PTPN13: variants seen among roughly 807,000 people sequenced by gnomAD.
PTPN13 encodes the protein protein tyrosine phosphatase non-receptor type 13.
PTPN13 carries 191 observed loss-of-function variants against 284.0 expected under a neutral mutation model. That is an observed-to-expected ratio of 0.67 (90% CI 0.60 to 0.76). The LOEUF is 0.76. Ranked by LOEUF, PTPN13 falls within the 30% of genes least tolerant of loss-of-function variation. The pLI is 0.00. For synonymous variants in PTPN13, 986 were observed against 1,022.3 expected (o/e 0.96, Z 0.68); for missense variants, 2,797 against 2,939.9 (o/e 0.95, Z 1.12).
At chr4:86,622,823 C>T (rs1384997998) in intron 1 of PTPN13, among the ~76,000 whole-genome samples, 1 of 152,082 alleles carries the variant, frequency 6.6e-6, no homozygotes, top group Non-Finnish European at 1.5e-5. Flanking sequence ...AATGTTTATG[C>T]CCACCGCATA....
At chr4:86,649,309 G>A (rs1041504212) in intron 2 of PTPN13, among the ~76,000 whole-genome samples, 1 of 152,162 alleles carries the variant, frequency 6.6e-6, no homozygotes, top group African/African-American at 2.4e-5. Flanking sequence ...GTGCACGCCA[G>A]TGACCTAGGG....
At chr4:86,631,819 T>C (rs1403602117) in intron 1 of PTPN13, among the ~76,000 whole-genome samples, 1 of 152,162 alleles carries the variant, frequency 6.6e-6, no homozygotes, top group African/African-American at 2.4e-5. Flanking sequence ...TTTAACCTTT[T>C]CATTTTTTTA....
intron 1 of PTPN13, among the ~76,000 whole-genome samples, chr4:86,603,692 C>T (rs1450841538): frequency 6.6e-6 from 1 of 151,982 alleles, no homozygotes; most frequent in Non-Finnish European, 1.5e-5. Context: ...TGAGTCATTA[C>T]ATTATATGTT....
intron 32 of PTPN13, 137 bp downstream of exon 32, chr4:86,773,095 G>A: frequency 1.6e-6 from 1 of 630,788 alleles, no homozygotes; most frequent in Non-Finnish European, 2.5e-6. Flanking sequence ...AACATATCTG[G>A]TATGTTTCTG....
chr4:86,784,690 T>G (rs1692778352), intron 38 of PTPN13, 132 bp downstream of exon 38: 1 of 625,940 alleles, frequency 1.6e-6, no homozygotes, highest in Admixed American at 3.5e-5. Context: ...ATTGGTCAAA[T>G]AAACAAAAGA....
At chr4:86,745,716 C>T (rs1578558254) in intron 17 of PTPN13, among the ~76,000 whole-genome samples, 1 of 151,822 alleles carries the variant, frequency 6.6e-6, no homozygotes, top group East Asian at 1.9e-4. Flanking sequence ...GCGGAGGTTG[C>T]AGTGAGCTGA....
rs1313075209 is a variant in PTPN13, at chr4:86,619,083, C to G, written c.-5-16169C>G. 2.6e-5 allele frequency among the ~76,000 whole-genome samples: 4 copies of G among 152,190 alleles called. No homozygotes were observed. In the East Asian group the frequency reaches 7.8e-4, roughly 29 times the overall value. ...TGTGGGTTTGATACGCAGTTGGACA[C>G]TCTCTCACAATGCCAATCAGTGGCA... On this transcript the variant is annotated intron_variant, in intron 1 of 47. Transcript: ENST00000411767.
intron 1 of PTPN13, among the ~76,000 whole-genome samples, chr4:86,604,040 A>G (rs1764540712): frequency 6.6e-6 from 1 of 152,026 alleles, no homozygotes; most frequent in African/African-American, 2.4e-5. Context: ...ATGTCTACTT[A>G]TATTCATTCT....
chr4:86,750,760 C>T lies in PTPN13; in HGVS notation c.2941C>T (p.His981Tyr), dbSNP rs1691835985. 3 of 1,613,530 alleles carry T rather than the reference C, an allele frequency of 1.9e-6. No homozygotes were observed. Among genetic ancestry groups the T allele is most frequent in the African/African-American group, 2.7e-5 (2 of 75,022 alleles). Residue 981 changes from histidine (H) to tyrosine (Y), a missense_variant, in exon 18 of 48, where the codon CAT (histidine) becomes TAT (tyrosine). His to Tyr is a moderately conservative substitution (Grantham distance 83, BLOSUM62 2). Coordinates refer to ENST00000411767, the MANE Select transcript of PTPN13 (RefSeq NM_080683.3). Reference protein sequence around the residue: ...HDLSQASLYPHRKNVIVNMEP... With the variant: ...HDLSQASLYPYRKNVIVNMEP... ...TCTCAGTCAGGCCTCTCTCTATCCA[C>T]ATCGGAAAAATGTCATTGTTAACAT...
At chr4:86,707,373 C>T (rs1297493322) in intron 7 of PTPN13, among the ~76,000 whole-genome samples, 1 of 152,104 alleles carries the variant, frequency 6.6e-6, no homozygotes, top group African/African-American at 2.4e-5. Context: ...ATCTCTGGTC[C>T]TAGCCTAGTT....
chr4:86,731,395 G>T (rs147772300), intron 10 of PTPN13, among the ~76,000 whole-genome samples: 110 of 152,322 alleles, frequency 7.2e-4, no homozygotes, highest in Middle Eastern at 3.4e-3. Context: ...AGATTGAGAA[G>T]CACTAAATAC....
At chr4:86,733,701 TA>T (rs937412820) in intron 12 of PTPN13, among the ~76,000 whole-genome samples, 14 of 152,274 alleles carry the variant, frequency 9.2e-5, no homozygotes, top group Middle Eastern at 3.4e-3. Flanking sequence ...TTCATCCAAA[TA>T]TCTATTTATA....
intron 2 of PTPN13, among the ~76,000 whole-genome samples, chr4:86,651,938 G>A (rs1725132512): frequency 6.6e-6 from 1 of 151,994 alleles, no homozygotes; most frequent in Admixed American, 6.6e-5. Context: ...TTAGCCAGAT[G>A]CAGTGGCACA....
At chr4:86,637,442 C>A (rs962364994) in intron 2 of PTPN13, among the ~76,000 whole-genome samples, 33 of 151,472 alleles carry the variant, frequency 2.2e-4, no homozygotes, top group African/African-American at 7.0e-4. Context: ...AAAATACTGG[C>A]AAACCGAATC....
intron 3 of PTPN13, among the ~76,000 whole-genome samples, chr4:86,675,243 T>C (rs1307419662): frequency 6.6e-6 from 1 of 152,176 alleles, no homozygotes; most frequent in East Asian, 1.9e-4. Flanking sequence ...TTAAAGTTGA[T>C]TTCTTAGTCT....
intron 2 of PTPN13, among the ~76,000 whole-genome samples, chr4:86,667,587 T>TA (rs1390657085): frequency 6.6e-6 from 1 of 152,228 alleles, no homozygotes; most frequent in Non-Finnish European, 1.5e-5. Context: ...TGCATTGTTA[T>TA]ACCAGATTAT....
In PTPN13 at chr4:86,663,011, A is replaced by G. The variant is rs191884614; in HGVS notation, c.116-9354A>G. ...GCCTGGGTGACAGAGTGAGACCCCA[A>G]CTCTTAAAAATAAATGAGTAAATAT... On this transcript the variant is annotated intron_variant, in intron 2 of 47. Transcript: ENST00000411767. 1.4e-4 allele frequency among the ~76,000 whole-genome samples: 22 copies of G among 152,234 alleles called. No homozygotes were observed. In the East Asian group the frequency reaches 3.3e-3, roughly 23 times the overall value.
At chr4:86,700,488 A>G (rs2149003398) in intron 6 of PTPN13, among the ~76,000 whole-genome samples, 1 of 152,278 alleles carries the variant, frequency 6.6e-6, no homozygotes, top group East Asian at 1.9e-4. Context: ...AAAAAGTAAA[A>G]TGACTACTGA....
intron 40 of PTPN13, among the ~76,000 whole-genome samples, 159 bp from the exon 41 acceptor site, chr4:86,796,715 G>A (rs554286558): frequency 9.2e-5 from 14 of 152,274 alleles, no homozygotes; most frequent in Admixed American, 2.0e-4. Context: ...TGATGCCTCA[G>A]CCACTGTTTG....
Sources: allele counts gnomAD v4.1 joint callset (sites outside exome capture counted in the v4.1 genomes callset), GRCh38; gene constraint gnomAD v4.1.1; transcripts MANE v1.5; gene names NCBI Gene and HGNC (gene_info 2026-07-23, HGNC 2026-07-21).